The following TRPV5 variants were observed in gnomAD, a reference collection of about 807,000 sequenced individuals.
The protein encoded by TRPV5 is calcium transport protein 2.
A neutral mutation model predicts 74.1 loss-of-function variants in TRPV5; 66 were observed. That is an observed-to-expected ratio of 0.89 (90% CI 0.73 to 1.09). TRPV5 has a LOEUF of 1.09. Ranked by LOEUF, TRPV5 falls within the 50% of genes least tolerant of loss-of-function variation. The pLI is 0.00. For synonymous variants in TRPV5, 399 were observed against 360.7 expected, an observed-to-expected ratio of 1.11 and a Z score of -1.20; for missense variants, 936 against 930.4, an observed-to-expected ratio of 1.01 and a Z score of -0.08.
chr7:142,923,550 C>T (rs751334066), intron 8 of TRPV5, among the ~76,000 whole-genome samples: 5 of 152,204 alleles, frequency 3.3e-5, no homozygotes, highest in Non-Finnish European at 5.9e-5. Context: ...TACCCACCCA[C>T]TTCTCCACCA....
intron 2 of TRPV5, 36 bp from the exon 3 acceptor site, chr7:142,930,216 T>C (rs1167737914): frequency 4.4e-6 from 7 of 1,608,332 alleles, no homozygotes; most frequent in Admixed American, 1.7e-5. Flanking sequence ...TAGACACTTT[T>C]CAGATTCCCT....
In TRPV5 at chr7:142,929,301, C is replaced by T. The variant is rs572596900; in HGVS notation, c.487+127G>A. ...GAATGGGCCTCTGGCTTAATTAAGC[C>T]CTAGAAGGGCTGCCCCTCTCAACTG... On this transcript the variant is annotated intron_variant, in intron 4 of 14. Transcript: ENST00000265310. 9.2e-6 allele frequency: 14 copies of T among 1,518,376 alleles called. No individual in the cohort carries two copies. In the East Asian group the frequency reaches 2.3e-4, roughly 25 times the overall value. 94.1% of individuals were successfully genotyped at this position (1,518,376 alleles called of 1,614,324 possible).
Position 142,915,549 on chromosome 7 carries a change from T to G in TRPV5, c.1142A>C (p.Glu381Ala), listed in dbSNP as rs777682107. 6.2e-7 allele frequency: 1 copy of G among 1,614,136 alleles called. No individual in the cohort carries two copies. Among genetic ancestry groups the G allele is most frequent in the Non-Finnish European group, 8.5e-7 (1 of 1,180,030 alleles). Residue 381 changes from glutamate (E) to alanine (A), a missense_variant, in exon 9 of 15, where the codon GAA becomes GCA. Glu to Ala is a moderately radical substitution (Grantham distance 107, BLOSUM62 -1). Coordinates refer to ENST00000265310, the MANE Select transcript of TRPV5 (RefSeq NM_019841.7). ...CTCCCCCACCAGCCTGATGATATCT[T>G]CACGTGTCTCATAGGCCTCCTATGT... The part of the protein sequence containing the change: ...KLLQEAYETR[E>A]DIIRLVGELV...
intron 8 of TRPV5, among the ~76,000 whole-genome samples, chr7:142,923,268 T>C (rs984894091): frequency 1.3e-5 from 2 of 152,176 alleles, no homozygotes; most frequent in Non-Finnish European, 2.9e-5. Flanking sequence ...ACTGTATTTG[T>C]GCGTTTTCAT....
intron 1 of TRPV5, among the ~76,000 whole-genome samples, chr7:142,932,256 C>G (rs969654394): frequency 1.3e-5 from 2 of 152,150 alleles, no homozygotes; most frequent in African/African-American, 2.4e-5. Flanking sequence ...TCCCCACTGC[C>G]CCTCTGCAGA....
intron 7 of TRPV5, 43 bp from the exon 8 acceptor site, chr7:142,925,784 A>G: frequency 6.4e-7 from 1 of 1,565,972 alleles, no homozygotes; most frequent in Non-Finnish European, 8.7e-7. Flanking sequence ...CCAACACAGA[A>G]GGATGTTGTT....
chr7:142,929,495 C>A lies in TRPV5; in HGVS notation c.420G>T (p.Arg140Ser). The A allele has an allele frequency of 6.2e-7, 1 of 1,614,062 alleles. No homozygotes were observed. The highest frequency in any genetic ancestry group is 8.5e-7 in the Non-Finnish European group (1 of 1,179,992). The change falls in exon 4 of 15, where the codon AGG (arginine) becomes AGT (serine). Residue 140 changes from arginine (R) to serine (S), a missense_variant. Physicochemically the swap from Arg to Ser is moderately radical, Grantham distance 110 (BLOSUM62 -1). Coordinates refer to ENST00000265310, the MANE Select transcript of TRPV5 (RefSeq NM_019841.7). ...VNLVRALLTR[R>S]ASVSARATGT... Reference sequence around the variant, plus strand: ...CTGTGGCTCTGGCAGAGACACTGGCCCTGCGGGTGAGCAGGGCACGCACCA... The same window carrying A: ...CTGTGGCTCTGGCAGAGACACTGGCACTGCGGGTGAGCAGGGCACGCACCA...
At chr7:142,930,733 G>T (rs1231935335) in intron 1 of TRPV5, among the ~76,000 whole-genome samples, 1 of 152,212 alleles carries the variant, frequency 6.6e-6, no homozygotes, top group Non-Finnish European at 1.5e-5. Flanking sequence ...AGTCTGGAAA[G>T]AGTGGTCTGA....
rs1563380018 is a variant in TRPV5 at position 142,933,351 on chromosome 7, G to A, written c.109C>T (p.His37Tyr). ...QDWDQHLDKL[H>Y]MLQQKRILES... ...GCCTACCTCTTCTGCTGCAGCATAT[G>A]AAGCTTGTCCAGGTGCTGGTCCCAG... Residue 37 changes from histidine (H) to tyrosine (Y), a missense_variant, in exon 1 of 15, where the codon CAT (histidine) becomes TAT (tyrosine). Coordinates refer to ENST00000265310, the MANE Select transcript of TRPV5 (RefSeq NM_019841.7). 1.2e-6 allele frequency: 2 copies of A among 1,614,042 alleles called. No homozygotes were observed. Among genetic ancestry groups the A allele is most frequent in the Admixed American group, 3.3e-5 (2 of 60,020 alleles).
chr7:142,920,284 T>TG (rs903024633), intron 8 of TRPV5, among the ~76,000 whole-genome samples: 1 of 152,224 alleles, frequency 6.6e-6, no homozygotes, highest in African/African-American at 2.4e-5. Flanking sequence ...AGATTACCCC[T>TG]TTCTTCTGAA....
intron 8 of TRPV5, among the ~76,000 whole-genome samples, chr7:142,919,848 G>A (rs892180602): frequency 6.6e-5 from 10 of 152,300 alleles, no homozygotes; most frequent in Middle Eastern, 3.4e-3. Context: ...GGGAACATAG[G>A]CCACCACAGT....
At chr7:142,917,871 A>G (rs548718221) in intron 8 of TRPV5, among the ~76,000 whole-genome samples, 2 of 152,344 alleles carry the variant, frequency 1.3e-5, no homozygotes, top group South Asian at 4.1e-4. Context: ...GCTTTGTTTT[A>G]TAAACTAATC....
intron 13 of TRPV5, 50 bp downstream of exon 13, chr7:142,912,432 T>A (rs758972475): frequency 6.4e-7 from 1 of 1,571,966 alleles, no homozygotes. Flanking sequence ...CCACTTTGAT[T>A]TTTCTCTCCA....
Position 142,915,011 on chromosome 7 carries a change from A to G in TRPV5, c.1322T>C (p.Val441Ala). ...CCCATTGGTGTTGGTGAGCCGCATC[A>G]CCATGGTCACCAGCACCAGGGAGGC... Reference protein sequence around the residue: ...TYASLVLVTMVMRLTNTNGEV... With the variant: ...TYASLVLVTMAMRLTNTNGEV... Residue 441 changes from valine (V) to alanine (A), a missense_variant, in exon 11 of 15, where the codon GTG (valine) becomes GCG (alanine). Physicochemically the swap from Val to Ala is moderately conservative, Grantham distance 64. Coordinates refer to ENST00000265310, the MANE Select transcript of TRPV5 (RefSeq NM_019841.7). 1 of 1,614,118 alleles carries G rather than the reference A, an allele frequency of 6.2e-7. No individual in the cohort carries two copies.
chr7:142,913,665 TTTG>T (rs1417983216), intron 12 of TRPV5, among the ~76,000 whole-genome samples: 3 of 152,114 alleles, frequency 2.0e-5, no homozygotes, highest in Non-Finnish European at 2.9e-5. Flanking sequence ...TGGTGGGGGT[TTTG>T]TTGTTGTTGT....
intron 1 of TRPV5, among the ~76,000 whole-genome samples, chr7:142,932,285 G>C (rs765007361): frequency 6.6e-6 from 1 of 152,156 alleles, no homozygotes; most frequent in Non-Finnish European, 1.5e-5. Flanking sequence ...GTTGGGGCTG[G>C]AAGCTCACTT....
At chr7:142,932,504 C>T (rs1349127822) in intron 1 of TRPV5, among the ~76,000 whole-genome samples, 1 of 152,214 alleles carries the variant, frequency 6.6e-6, no homozygotes, top group African/African-American at 2.4e-5. Context: ...GAACAAAGCA[C>T]AGGAATCTTC....
At chr7:142,927,617 A>G (rs1005037223) in intron 7 of TRPV5, among the ~76,000 whole-genome samples, 6 of 151,560 alleles carry the variant, frequency 4.0e-5, no homozygotes, top group African/African-American at 1.4e-4. Flanking sequence ...AAGAGAGAGC[A>G]GGGGGAGGTG....
chr7:142,911,167 T>C (rs1308874442), intron 13 of TRPV5, among the ~76,000 whole-genome samples: 1 of 152,178 alleles, frequency 6.6e-6, no homozygotes, highest in Non-Finnish European at 1.5e-5. Context: ...TTGGAGCTTC[T>C]AGAAATGATC....
Sources: gnomAD v4.1 joint callset for allele counts (sites outside exome capture counted in the v4.1 genomes callset) on GRCh38, gnomAD v4.1.1 for gene constraint, MANE v1.5 for transcripts, NCBI Gene and HGNC (gene_info 2026-07-23, HGNC 2026-07-21) for gene names.